Variants in KCNQ5 observed in about 807,000 individuals in gnomAD.
The protein encoded by KCNQ5 is potassium voltage-gated channel subfamily Q member 5, also known as potassium voltage-gated channel subfamily KQT member 5.
KCNQ5 carries 30 observed loss-of-function variants against 98.2 expected under a neutral mutation model. That is an observed-to-expected ratio of 0.31 (90% CI 0.23 to 0.41). The LOEUF is 0.41. Among genes scored for constraint, KCNQ5 ranks in the 10% least tolerant of loss-of-function variants. The probability of loss-of-function intolerance (pLI) is 1.00; values close to 1 mark genes in which losing one functional copy is unlikely to be tolerated. For synonymous variants in KCNQ5, 458 were observed against 449.4 expected (o/e 1.02, Z -0.24); for missense variants, 835 against 1,182.5 (o/e 0.71, Z 4.31).
intron 1 of KCNQ5, among the ~76,000 whole-genome samples, chr6:72,714,168 C>T (rs1769521933): frequency 6.6e-6 from 1 of 152,132 alleles, no homozygotes; most frequent in South Asian, 2.1e-4. Flanking sequence ...CCTAGTGAGT[C>T]CATTTGTTGT....
chr6:72,764,522 A>T (rs1772466178), intron 1 of KCNQ5, among the ~76,000 whole-genome samples: 1 of 151,892 alleles, frequency 6.6e-6, no homozygotes, highest in Non-Finnish European at 1.5e-5. Flanking sequence ...GGTACATGAG[A>T]TGTTTGATAC....
intron 1 of KCNQ5, among the ~76,000 whole-genome samples, chr6:72,631,268 A>G (rs2098920635): frequency 6.6e-6 from 1 of 152,214 alleles, no homozygotes; most frequent in African/African-American, 2.4e-5. Context: ...AATGTACAGC[A>G]GCTCTTGGAT....
intron 1 of KCNQ5, among the ~76,000 whole-genome samples, chr6:72,790,816 G>A (rs935650561): frequency 2.0e-5 from 3 of 151,968 alleles, no homozygotes; most frequent in African/African-American, 4.8e-5. Context: ...TAAAGTACAC[G>A]GTATTAAACT....
At chr6:73,097,264 C>T (rs1392428462) in intron 5 of KCNQ5, among the ~76,000 whole-genome samples, 5 of 151,200 alleles carry the variant, frequency 3.3e-5, no homozygotes, top group Non-Finnish European at 4.4e-5. Flanking sequence ...CAGCATACTA[C>T]TCTCTTCTAC....
rs776130193 is a variant in KCNQ5, at chr6:73,195,025, A to G, written c.2410A>G (p.Met804Val). Reference sequence around the variant, plus strand: ...GTCAAATCTCACCAAGGACCGTTCTATGAGGAAAAGCTTTGACATGGGAGG... The same window carrying G: ...GTCAAATCTCACCAAGGACCGTTCTGTGAGGAAAAGCTTTGACATGGGAGG... ...AQSNLTKDRS[M>V]RKSFDMGGET... The change falls in exon 14 of 14, where the codon ATG becomes GTG. Residue 804 changes from methionine (M) to valine (V), a missense_variant. Physicochemically the swap from Met to Val is conservative, Grantham distance 21. Coordinates refer to ENST00000370398, the MANE Select transcript of KCNQ5 (RefSeq NM_019842.4). The G allele has an allele frequency of 1.9e-6, 3 of 1,614,202 alleles. No homozygotes were observed. The highest frequency in any genetic ancestry group is 2.5e-6 in the Non-Finnish European group (3 of 1,180,048).
intron 1 of KCNQ5, among the ~76,000 whole-genome samples, chr6:72,973,935 T>G (rs1180987440): frequency 6.6e-6 from 1 of 152,214 alleles, no homozygotes; most frequent in Non-Finnish European, 1.5e-5. Flanking sequence ...TTAAATTTAT[T>G]TTTGAATGAT....
chr6:73,159,464 T>C (rs1218239740), intron 10 of KCNQ5, among the ~76,000 whole-genome samples: 2 of 152,220 alleles, frequency 1.3e-5, no homozygotes, highest in Non-Finnish European at 2.9e-5. Context: ...CCTTCTCATG[T>C]ACCCCTGAAC....
At chr6:73,112,458 G>T (rs1487733445) in intron 7 of KCNQ5, among the ~76,000 whole-genome samples, 1 of 151,630 alleles carries the variant, frequency 6.6e-6, no homozygotes, top group Non-Finnish European at 1.5e-5. Context: ...CCATTCTCCT[G>T]CCTCAGCCTC....
intron 5 of KCNQ5, 144 bp from the exon 6 acceptor site, chr6:73,105,113 T>C (rs2051023): frequency 0.95 from 462,923 of 484,818 alleles, 221,092 homozygotes; most frequent in South Asian, 0.97. Flanking sequence ...TCATGCGTCA[T>C]GGAAAATTAA....
intron 2 of KCNQ5, among the ~76,000 whole-genome samples, chr6:73,020,617 G>A (rs1162572215): frequency 6.6e-6 from 1 of 152,088 alleles, no homozygotes; most frequent in Non-Finnish European, 1.5e-5. Flanking sequence ...GTCCTTGGAG[G>A]TTGGGTGGTG....
intron 1 of KCNQ5, among the ~76,000 whole-genome samples, chr6:72,857,340 A>G (rs1777573856): frequency 6.6e-6 from 1 of 152,154 alleles, no homozygotes; most frequent in East Asian, 1.9e-4. Context: ...ATATTAAAAA[A>G]TTTTAAAGGA....
intron 1 of KCNQ5, among the ~76,000 whole-genome samples, chr6:72,919,053 A>T (rs747251593): frequency 6.6e-6 from 1 of 152,104 alleles, no homozygotes; most frequent in Non-Finnish European, 1.5e-5. Context: ...TTCAGTTAGC[A>T]CATGACTTTG....
At chr6:73,053,523 A>G (rs1443349487) in intron 3 of KCNQ5, among the ~76,000 whole-genome samples, 3 of 152,196 alleles carry the variant, frequency 2.0e-5, no homozygotes, top group African/African-American at 4.8e-5. Context: ...ATAAAAAAAA[A>G]TCATACCAAC....
chr6:72,793,176 A>T (rs1774151253), intron 1 of KCNQ5, among the ~76,000 whole-genome samples: 1 of 152,242 alleles, frequency 6.6e-6, no homozygotes, highest in Non-Finnish European at 1.5e-5. Flanking sequence ...ACTTAAGCTT[A>T]TCTCCATTTT....
At chr6:73,166,159 G>A (rs1257058143) in intron 10 of KCNQ5, among the ~76,000 whole-genome samples, 2 of 152,026 alleles carry the variant, frequency 1.3e-5, no homozygotes, top group Non-Finnish European at 1.5e-5. Flanking sequence ...CAGGCCGGGC[G>A]TGGTGGCTCA....
At chr6:72,820,597 G>A (rs1370254600) in intron 1 of KCNQ5, among the ~76,000 whole-genome samples, 1 of 151,916 alleles carries the variant, frequency 6.6e-6, no homozygotes, top group African/African-American at 2.4e-5. Flanking sequence ...CCTATAGTGA[G>A]GAGAATAAAA....
chr6:73,149,368 A>G (rs1379795626), intron 10 of KCNQ5, among the ~76,000 whole-genome samples: 2 of 152,270 alleles, frequency 1.3e-5, no homozygotes, highest in Non-Finnish European at 2.9e-5. Flanking sequence ...GTCAAGTAAT[A>G]AAGATTAACA....
At chr6:72,970,828 C>A (rs1582112417) in intron 1 of KCNQ5, among the ~76,000 whole-genome samples, 1 of 152,164 alleles carries the variant, frequency 6.6e-6, no homozygotes, top group Admixed American at 6.5e-5. Context: ...CCCTTCCTTA[C>A]ACCTTATACA....
intron 1 of KCNQ5, among the ~76,000 whole-genome samples, chr6:72,643,678 C>T (rs1428979685): frequency 6.6e-6 from 1 of 152,132 alleles, no homozygotes; most frequent in East Asian, 1.9e-4. Flanking sequence ...CAAAACACTT[C>T]TGGTCACAAG....
Sources: allele counts gnomAD v4.1 joint callset (sites outside exome capture counted in the v4.1 genomes callset), GRCh38; gene constraint gnomAD v4.1.1; transcripts MANE v1.5; gene names NCBI Gene and HGNC (gene_info 2026-07-23, HGNC 2026-07-21).